The following VPS13B variants were observed in gnomAD, a reference collection of about 807,000 sequenced individuals.
VPS13B encodes vacuolar protein sorting 13 homolog B.
A neutral mutation model predicts 426.4 loss-of-function variants in VPS13B; 285 were observed. The observed-to-expected ratio is 0.67, with a 90% CI of 0.61 to 0.74. VPS13B has a LOEUF of 0.74. VPS13B is among the 30% of genes least tolerant of loss of function. The pLI, the probability that VPS13B is intolerant of heterozygous loss-of-function variation, is 0.00. For synonymous variants in VPS13B, 1,676 were observed against 1,676.4 expected (o/e 1.00, Z 0.01); for missense variants, 4,537 against 4,782.6 (o/e 0.95, Z 1.51).
chr8:99,255,168 G>C (rs1817684037), intron 17 of VPS13B, among the ~76,000 whole-genome samples: 1 of 151,260 alleles, frequency 6.6e-6, no homozygotes, highest in South Asian at 2.1e-4. Context: ...TGAGTTTCTT[G>C]GTTTGGTCAT....
intron 21 of VPS13B, among the ~76,000 whole-genome samples, chr8:99,395,305 A>G (rs903466741): frequency 6.6e-6 from 1 of 152,224 alleles, no homozygotes; most frequent in Non-Finnish European, 1.5e-5. Flanking sequence ...AGTTCTTGAG[A>G]GTTTGCTGAA....
intron 31 of VPS13B, among the ~76,000 whole-genome samples, chr8:99,567,146 T>A (rs542642902): frequency 6.6e-6 from 1 of 152,322 alleles, no homozygotes; most frequent in East Asian, 1.9e-4. Context: ...CTCAACACAG[T>A]TTCTAATGTT....
At chr8:99,298,794 T>C (rs1820182651) in intron 19 of VPS13B, among the ~76,000 whole-genome samples, 1 of 152,234 alleles carries the variant, frequency 6.6e-6, no homozygotes, top group South Asian at 2.1e-4. Context: ...GTTAATTGTC[T>C]TCCCAAGTGT....
intron 8 of VPS13B, among the ~76,000 whole-genome samples, chr8:99,130,267 A>AT (rs1422775353): frequency 5.3e-5 from 8 of 152,328 alleles, no homozygotes; most frequent in African/African-American, 1.9e-4. Flanking sequence ...TGTTAAGAAA[A>AT]CAAGATCATG....
intron 19 of VPS13B, among the ~76,000 whole-genome samples, chr8:99,293,330 G>T (rs1200649639): frequency 8.8e-6 from 1 of 114,084 alleles, no homozygotes; most frequent in Non-Finnish European, 1.8e-5. Context: ...GGGAAAACTG[G>T]CTAGCCATAT....
intron 21 of VPS13B, among the ~76,000 whole-genome samples, chr8:99,393,384 G>A (rs1814550024): frequency 6.6e-6 from 1 of 151,916 alleles, no homozygotes; most frequent in Non-Finnish European, 1.5e-5. Context: ...GGGAAAATAA[G>A]CTGAAAACAT....
At chr8:99,134,968 T>G in intron 9 of VPS13B, 47 bp from the exon 10 acceptor site, 1 of 1,609,746 alleles carries the variant, frequency 6.2e-7, no homozygotes, top group African/African-American at 1.3e-5. Flanking sequence ...CTCTAACATT[T>G]TTATTAAATT....
At chr8:99,533,447 G>C (rs1823037178) in intron 30 of VPS13B, among the ~76,000 whole-genome samples, 1 of 152,006 alleles carries the variant, frequency 6.6e-6, no homozygotes, top group Non-Finnish European at 1.5e-5. Context: ...ATATACTCTT[G>C]ACTAATTTTT....
At chr8:99,233,251 T>C (rs1223507069) in intron 17 of VPS13B, 2 of 1,212,638 alleles carry the variant, frequency 1.6e-6, no homozygotes, top group African/African-American at 1.5e-5. Context: ...ATGCAGTTCA[T>C]TCACAGTCTT....
intron 30 of VPS13B, among the ~76,000 whole-genome samples, chr8:99,545,001 A>G (rs569404339): frequency 3.3e-5 from 5 of 152,254 alleles, no homozygotes; most frequent in Admixed American, 6.5e-5. Flanking sequence ...CCACTACACC[A>G]TAATTCTGTT....
At chr8:99,574,249 G>A (rs1825644906) in intron 31 of VPS13B, among the ~76,000 whole-genome samples, 1 of 152,148 alleles carries the variant, frequency 6.6e-6, no homozygotes, top group African/African-American at 2.4e-5. Context: ...TCTGCAAACG[G>A]GGACAATATG....
intron 3 of VPS13B, among the ~76,000 whole-genome samples, chr8:99,061,301 T>TTC (rs1554590757): frequency 6.7e-6 from 1 of 149,446 alleles, no homozygotes; most frequent in Non-Finnish European, 1.5e-5. Context: ...ATTTTCTTTT[T>TTC]TTTTTTTTTT....
intron 3 of VPS13B, among the ~76,000 whole-genome samples, chr8:99,055,547 A>T (rs1253733512): frequency 1.3e-5 from 2 of 152,082 alleles, no homozygotes; most frequent in Non-Finnish European, 2.9e-5. Context: ...TTATTTAAGT[A>T]ATCTTTAATT....
intron 25 of VPS13B, among the ~76,000 whole-genome samples, chr8:99,487,208 T>C (rs1356745516): frequency 6.6e-6 from 1 of 152,018 alleles, no homozygotes; most frequent in Non-Finnish European, 1.5e-5. Context: ...AGAGTAGATC[T>C]AGAGGGCCAA....
chr8:99,664,887 C>T (rs1261670041), intron 35 of VPS13B, among the ~76,000 whole-genome samples: 1 of 152,146 alleles, frequency 6.6e-6, no homozygotes, highest in Non-Finnish European at 1.5e-5. Flanking sequence ...CCTGAGAAAT[C>T]GCCACACTGA....
chr8:99,875,485 C>T lies in VPS13B; in HGVS notation c.11813C>T (p.Thr3938Ile), dbSNP rs1475274965. The stretch of plus-strand genomic sequence containing the variant: ...AGACTGGTGGACTACATCACAAAGA[C>T]ATCTTGTCACCTGGCCCCCAGCTGT... ...YNRLVDYITK[T>I]SCHLAPSCSS... Residue 3938 changes from threonine (T) to isoleucine (I), a missense_variant, in exon 62 of 62, where the codon ACA becomes ATA. By Grantham distance (89) the Thr-to-Ile change is moderately conservative. Transcript: ENST00000357162. 1 of 1,614,072 alleles carries T rather than the reference C, an allele frequency of 6.2e-7. No homozygotes were observed. The highest frequency in any genetic ancestry group is 8.5e-7 in the Non-Finnish European group (1 of 1,180,026).
At chr8:99,810,026 T>A (rs936199169) in intron 44 of VPS13B, among the ~76,000 whole-genome samples, 28 of 152,202 alleles carry the variant, frequency 1.8e-4, no homozygotes, top group African/African-American at 6.8e-4. Context: ...TAATATTAAC[T>A]GCAGTAAAAA....
At chr8:99,230,090 C>T (rs1269915385) in intron 17 of VPS13B, among the ~76,000 whole-genome samples, 3 of 151,888 alleles carry the variant, frequency 2.0e-5, no homozygotes, top group Non-Finnish European at 4.4e-5. Flanking sequence ...AGTTATTTTG[C>T]TTTTAAGTAA....
chr8:99,842,785 G>A (rs565218528), intron 54 of VPS13B, among the ~76,000 whole-genome samples: 9 of 152,262 alleles, frequency 5.9e-5, no homozygotes, highest in African/African-American at 2.2e-4. Flanking sequence ...CTTCTTGTTA[G>A]TAATTGTGGT....
Sources: allele counts gnomAD v4.1 joint callset (sites outside exome capture counted in the v4.1 genomes callset), GRCh38; gene constraint gnomAD v4.1.1; transcripts MANE v1.5; gene names NCBI Gene and HGNC (gene_info 2026-07-23, HGNC 2026-07-21).